Variants in ZFAT observed in about 807,000 individuals in gnomAD.
The protein encoded by ZFAT is zinc finger protein ZFAT.
In ZFAT, 64 loss-of-function variants were observed where a neutral mutation model predicts 117.7. The ratio of observed to expected loss-of-function variants is 0.54; its 90% CI spans 0.44 to 0.67. The LOEUF (loss-of-function observed/expected upper bound fraction) is 0.67. ZFAT is among the 30% of genes least tolerant of loss of function. The pLI is 0.00. For missense variants in ZFAT, 1,433 were observed against 1,584.5 expected (o/e 0.90, Z 1.62); for synonymous variants, 679 against 615.0 (o/e 1.10, Z -1.54).
At chr8:134,616,807 G>C (rs990245207) in intron 3 of ZFAT, among the ~76,000 whole-genome samples, 4 of 152,168 alleles carry the variant, frequency 2.6e-5, no homozygotes, top group Non-Finnish European at 5.9e-5. Context: ...CAGCACTCCG[G>C]AGTCAGAGAG....
At chr8:134,803,105 A>T in the ZFAT span, among the ~76,000 whole-genome samples, 5 of 152,218 alleles carry the variant, frequency 3.3e-5, no homozygotes, top group Non-Finnish European at 5.9e-5. Flanking sequence ...AATCTGTAGC[A>T]TCTAGGGATA....
At chr8:134,571,116 C>G (rs1824863427) in intron 10 of ZFAT, among the ~76,000 whole-genome samples, 1 of 152,198 alleles carries the variant, frequency 6.6e-6, no homozygotes, top group Non-Finnish European at 1.5e-5. Context: ...GTGGACAAGA[C>G]AGCAAAGGCC....
At chr8:134,605,974 T>C (rs980346950) in intron 5 of ZFAT, among the ~76,000 whole-genome samples, 10 of 152,290 alleles carry the variant, frequency 6.6e-5, no homozygotes, top group East Asian at 1.9e-4. Context: ...TCAGGGTAGA[T>C]TGACTTGGTC....
intron 2 of ZFAT, among the ~76,000 whole-genome samples, chr8:134,641,413 C>G (rs897637002): frequency 2.0e-5 from 3 of 152,212 alleles, no homozygotes; most frequent in Admixed American, 6.5e-5. Context: ...CAATCAGAGA[C>G]CAAGCCCCAG....
chr8:134,682,760 G>C (rs1383045492), intron 1 of ZFAT, among the ~76,000 whole-genome samples: 1 of 152,160 alleles, frequency 6.6e-6, no homozygotes, highest in Non-Finnish European at 1.5e-5. Flanking sequence ...GCTGGGGAGA[G>C]AGCCTGGCTC....
chr8:134,791,069 G>A, the ZFAT span, among the ~76,000 whole-genome samples: 5 of 152,200 alleles, frequency 3.3e-5, no homozygotes, highest in African/African-American at 1.2e-4. Context: ...CTTTAAAAGA[G>A]GCCCCGAGAA....
chr8:134,509,514 C>T, intron 15 of ZFAT, 105 bp downstream of exon 15: 3 of 1,525,606 alleles, frequency 2.0e-6, no homozygotes, highest in Non-Finnish European at 1.8e-6. Flanking sequence ...AATTTCATTC[C>T]AAGTTCTACC....
At chr8:134,571,972 A>G (rs992642380) in intron 10 of ZFAT, among the ~76,000 whole-genome samples, 2 of 152,246 alleles carry the variant, frequency 1.3e-5, no homozygotes, top group Admixed American at 1.3e-4. Flanking sequence ...AATGTGTCCT[A>G]AGGAGTTAAT....
chr8:134,699,796 T>A (rs1463766502), intron 1 of ZFAT, among the ~76,000 whole-genome samples: 1 of 152,202 alleles, frequency 6.6e-6, no homozygotes, highest in Non-Finnish European at 1.5e-5. Flanking sequence ...TGGGACACGG[T>A]GGAAGCTATG....
chr8:134,756,512 A>C, the ZFAT span, among the ~76,000 whole-genome samples: 1 of 152,226 alleles, frequency 6.6e-6, no homozygotes. Flanking sequence ...TCCTTCATTT[A>C]GAGTGAAACG....
At chr8:134,572,113 G>C (rs1038455861) in intron 10 of ZFAT, among the ~76,000 whole-genome samples, 1 of 152,208 alleles carries the variant, frequency 6.6e-6, no homozygotes, top group Non-Finnish European at 1.5e-5. Context: ...GATCACCTTA[G>C]TGCATCATAC....
intron 12 of ZFAT, among the ~76,000 whole-genome samples, chr8:134,528,679 T>C (rs1463883698): frequency 6.6e-6 from 1 of 152,198 alleles, no homozygotes; most frequent in African/African-American, 2.4e-5. Context: ...CCCTTACACT[T>C]CAATGACTCT....
intron 3 of ZFAT, among the ~76,000 whole-genome samples, chr8:134,620,098 A>C (rs916295472): frequency 6.6e-6 from 1 of 152,158 alleles, no homozygotes; most frequent in African/African-American, 2.4e-5. Flanking sequence ...TGGCTAGTGG[A>C]CTATAAGTGG....
the ZFAT span, among the ~76,000 whole-genome samples, chr8:134,728,297 T>A: frequency 6.6e-6 from 1 of 152,020 alleles, no homozygotes. Flanking sequence ...AGGTAGCATG[T>A]ACAGGGAAGG....
At chr8:134,550,326 A>C (rs942372320) in intron 11 of ZFAT, among the ~76,000 whole-genome samples, 24 of 147,344 alleles carry the variant, frequency 1.6e-4, no homozygotes, top group Non-Finnish European at 3.4e-4. Context: ...AAAAAAAAAA[A>C]AAAAAACAGC....
the ZFAT span, among the ~76,000 whole-genome samples, chr8:134,719,090 A>T: frequency 4.6e-5 from 7 of 152,356 alleles, no homozygotes; most frequent in South Asian, 1.4e-3. Context: ...GCTAGAGCAG[A>T]CAGCTTTGGA....
intron 13 of ZFAT, 133 bp from the exon 14 acceptor site, chr8:134,512,734 C>A: frequency 2.5e-6 from 3 of 1,193,640 alleles, no homozygotes; most frequent in Non-Finnish European, 3.4e-6. Context: ...TTACCTGGCA[C>A]CCCTGAGAAA....
the ZFAT span, among the ~76,000 whole-genome samples, chr8:134,819,564 T>A: frequency 8.0e-6 from 1 of 125,338 alleles, no homozygotes; most frequent in Non-Finnish European, 1.6e-5. Flanking sequence ...TCTCTGACAT[T>A]ACATTTGCTC....
chr8:134,676,503 T>C (rs969926478), intron 1 of ZFAT, among the ~76,000 whole-genome samples: 2 of 152,160 alleles, frequency 1.3e-5, no homozygotes, highest in African/African-American at 4.8e-5. Context: ...AGTGGGAAAC[T>C]TTAACACCTC....
Sources: gnomAD v4.1 joint callset for allele counts (sites outside exome capture counted in the v4.1 genomes callset) on GRCh38, gnomAD v4.1.1 for gene constraint, MANE v1.5 for transcripts, NCBI Gene and HGNC (gene_info 2026-07-23, HGNC 2026-07-21) for gene names.